The following STK32B variants were observed in gnomAD, a reference collection of about 807,000 sequenced individuals.
STK32B encodes serine/threonine-protein kinase 32B.
In STK32B, 43 loss-of-function variants were observed where a neutral mutation model predicts 52.6. That is an observed-to-expected ratio of 0.82 (90% CI 0.64 to 1.05). STK32B has a LOEUF of 1.05. Among genes scored for constraint, STK32B ranks in the 50% least tolerant of loss-of-function variants. The pLI, the probability that STK32B is intolerant of heterozygous loss-of-function variation, is 0.00. For missense variants in STK32B, 621 were observed against 534.6 expected (o/e 1.16, Z -1.59); for synonymous variants, 238 against 204.3 (o/e 1.17, Z -1.41).
chr4:5,157,737 A>G (rs1717979024), intron 2 of STK32B, among the ~76,000 whole-genome samples: 1 of 152,234 alleles, frequency 6.6e-6, no homozygotes, highest in Non-Finnish European at 1.5e-5. Flanking sequence ...GAATGAGTTA[A>G]TTAGCTTAGA....
intron 4 of STK32B, among the ~76,000 whole-genome samples, chr4:5,358,626 A>T (rs1734329136): frequency 6.6e-6 from 1 of 152,124 alleles, no homozygotes; most frequent in Non-Finnish European, 1.5e-5. Flanking sequence ...GAAGGAGATC[A>T]TTGGATATTG....
intron 1 of STK32B, among the ~76,000 whole-genome samples, chr4:5,132,888 T>G (rs1452399364): frequency 6.6e-6 from 1 of 152,024 alleles, no homozygotes; most frequent in Non-Finnish European, 1.5e-5. Flanking sequence ...AACCTCTGCC[T>G]TCTGGGTTCA....
chr4:5,373,976 G>A (rs1407633458), intron 4 of STK32B, among the ~76,000 whole-genome samples: 11 of 152,134 alleles, frequency 7.2e-5, no homozygotes, highest in Non-Finnish European at 1.5e-4. Flanking sequence ...GATCTTTGCC[G>A]GTAAGAATAA....
At position 5,244,789 on chromosome 4, in the gene STK32B, C is replaced by T. The variant is rs1331156320; in HGVS notation, c.260+76339C>T. ...CTGGTATGTTGTGTCTTTGTTCTCA[C>T]TGGTTTCAAAGAACATCTTTATTTC... On this transcript the variant is annotated intron_variant, in intron 3 of 11. Coordinates refer to ENST00000282908, the MANE Select transcript of STK32B (RefSeq NM_018401.3). Among the ~76,000 whole-genome samples the T allele has an allele frequency of 9.9e-5, 15 of 152,158 alleles. No individual in the cohort carries two copies. The South Asian group carries it at 1.5e-3, about 15-fold the overall frequency.
chr4:5,139,971 A>T lies in STK32B; in HGVS notation c.108+11A>T, dbSNP rs1015154678. On this transcript the variant is annotated intron_variant, in intron 2 of 11. Coordinates refer to ENST00000282908, the MANE Select transcript of STK32B (RefSeq NM_018401.3). ...GGGAGTTTTGGAAAGGTAAGAATAT[A>T]AATGTCTGGACCACTGGGCTTAAGT... The T allele has an allele frequency of 6.2e-7, 1 of 1,614,026 alleles. No homozygotes were observed.
Position 5,386,110 on chromosome 4 carries a change from C to T in STK32B, c.435-12097C>T, listed in dbSNP as rs768303074. ...CCATGCAGAGCTCCACCCACAGGCC[C>T]CACCCACAGCTCTTGGCCCACAGTT... is the stretch of plus-strand genomic sequence containing the variant. On this transcript the variant is annotated intron_variant, in intron 4 of 11. Transcript: ENST00000282908. The surrounding 1 kb of genome is among the most constrained non-coding windows in gnomAD (Gnocchi z 4.5). Among the ~76,000 whole-genome samples, 1 of 151,686 alleles carries T rather than the reference C, an allele frequency of 6.6e-6. No individual in the cohort carries two copies. The highest frequency in any genetic ancestry group is 1.5e-5 in the Non-Finnish European group (1 of 67,920).
At chr4:5,295,194 T>G (rs145419662) in intron 3 of STK32B, among the ~76,000 whole-genome samples, 1 of 152,228 alleles carries the variant, frequency 6.6e-6, no homozygotes, top group Admixed American at 6.5e-5. Flanking sequence ...TATTGAGGAT[T>G]TTTGCATCAA....
the STK32B span, among the ~76,000 whole-genome samples, chr4:5,019,943 G>A: frequency 0.034 from 5,188 of 152,254 alleles, 91 homozygotes; most frequent in South Asian, 0.051. Context: ...GTGGAGCAGG[G>A]ATGCAGAGCT....
At chr4:5,286,446 T>G (rs1223405345) in intron 3 of STK32B, among the ~76,000 whole-genome samples, 1 of 152,196 alleles carries the variant, frequency 6.6e-6, no homozygotes, top group African/African-American at 2.4e-5. Flanking sequence ...CTCAAAGTCC[T>G]GTTGCCCCCT....
Position 5,192,189 on chromosome 4 carries a change from A to C in STK32B, c.260+23739A>C, listed in dbSNP as rs191949789. 1.9e-3 allele frequency among the ~76,000 whole-genome samples: 289 copies of C among 152,356 alleles called. 2 individuals are homozygous for C. Among genetic ancestry groups the C allele is most frequent in the African/African-American group, 6.2e-3 (256 of 41,584 alleles). ...ATCACATTGCAAGGTCCTGAGTCCA[A>C]AATGATGACATTTTCTTAGAAAACC... On this transcript the variant is annotated intron_variant, in intron 3 of 11. Transcript: ENST00000282908.
rs78026034 is a variant in STK32B, at chr4:5,399,015, C to T, written c.472+771C>T. Among the ~76,000 whole-genome samples the T allele has an allele frequency of 1.2e-3, 182 of 152,342 alleles. 3 individuals carry two copies. Among genetic ancestry groups the T allele is most frequent in the African/African-American group, 4.2e-3 (173 of 41,596 alleles). Reference sequence around the variant, plus strand: ...AAGCCTGGGCTCCTGTGTTCTGGATCCTGTGTCCTGTGTTGGGATGGAATG... The same window carrying T: ...AAGCCTGGGCTCCTGTGTTCTGGATTCTGTGTCCTGTGTTGGGATGGAATG... On this transcript the variant is annotated intron_variant, in intron 5 of 11. Transcript: ENST00000282908. This position sits in a 1 kb window ranked among gnomAD's most constrained non-coding sequence, Gnocchi z 5.4.
At chr4:5,442,248 T>A (rs1305877869) in intron 6 of STK32B, among the ~76,000 whole-genome samples, 1 of 147,880 alleles carries the variant, frequency 6.8e-6, no homozygotes, top group Non-Finnish European at 1.5e-5. Flanking sequence ...TAAGTCTCTT[T>A]GTAGGTCACT....
intron 4 of STK32B, among the ~76,000 whole-genome samples, chr4:5,347,820 C>T (rs1039047172): frequency 6.6e-6 from 1 of 152,204 alleles, no homozygotes. Flanking sequence ...CATGGTAAGA[C>T]ATGCCTTGCT....
At chr4:5,084,849 A>C (rs1011288347) in intron 1 of STK32B, among the ~76,000 whole-genome samples, 1 of 152,138 alleles carries the variant, frequency 6.6e-6, no homozygotes, top group Non-Finnish European at 1.5e-5. Context: ...GCCAGAGGAG[A>C]CACTAAAATA....
chr4:5,300,252 C>T (rs1174426718), intron 3 of STK32B, among the ~76,000 whole-genome samples: 1 of 152,124 alleles, frequency 6.6e-6, no homozygotes, highest in Non-Finnish European at 1.5e-5. Flanking sequence ...TAAAAACCCT[C>T]AACTAACTAG....
chr4:5,406,270 G>T (rs1243287118), intron 5 of STK32B, among the ~76,000 whole-genome samples: 1 of 152,188 alleles, frequency 6.6e-6, no homozygotes, highest in Non-Finnish European at 1.5e-5. Context: ...TGCCCGTGTT[G>T]CTCTGCATGG....
chr4:5,052,326 C>T (rs928821917), intron 1 of STK32B, among the ~76,000 whole-genome samples: 3 of 151,964 alleles, frequency 2.0e-5, no homozygotes, highest in African/African-American at 7.3e-5. Flanking sequence ...CACCGTGTGT[C>T]TGTGTGTGTG....
chr4:5,274,046 A>G (rs1486095296), intron 3 of STK32B, among the ~76,000 whole-genome samples: 6 of 152,190 alleles, frequency 3.9e-5, no homozygotes, highest in African/African-American at 1.4e-4. Flanking sequence ...AATATTGCTA[A>G]GCTGTCAGTT....
chr4:5,322,021 A>G (rs1266511462), intron 3 of STK32B, among the ~76,000 whole-genome samples: 12 of 47,688 alleles, frequency 2.5e-4, no homozygotes, highest in East Asian at 1.1e-3. Context: ...AAAAAAAAAA[A>G]GTGGTGGGAG....
Sources: allele counts gnomAD v4.1 joint callset (sites outside exome capture counted in the v4.1 genomes callset), GRCh38; gene constraint gnomAD v4.1.1; non-coding constraint Gnocchi (gnomAD v3.1); transcripts MANE v1.5; gene names NCBI Gene and HGNC (gene_info 2026-07-23, HGNC 2026-07-21).